Variants in SNX1 observed in about 807,000 individuals in gnomAD.
The protein encoded by SNX1 is sorting nexin-1.
A neutral mutation model predicts 71.8 loss-of-function variants in SNX1; 36 were observed. The observed-to-expected ratio is 0.50, with a 90% CI of 0.38 to 0.66. SNX1 has a LOEUF of 0.66. Ranked by LOEUF, SNX1 falls within the 30% of genes least tolerant of loss-of-function variation. SNX1 has a pLI of 0.00. For synonymous variants in SNX1, 254 were observed against 240.7 expected (o/e 1.06, Z -0.51); for missense variants, 612 against 646.7 (o/e 0.95, Z 0.58).
Position 64,134,584 on chromosome 15 carries a change from C to A in SNX1, c.1222-80C>A. 1 of 1,514,552 alleles carries A rather than the reference C, an allele frequency of 6.6e-7. No individual in the cohort carries two copies. The highest frequency in any genetic ancestry group is 8.9e-7 in the Non-Finnish European group (1 of 1,121,160). The allele number at this position is 1,514,552 out of a possible 1,614,324, so 93.8% of individuals were successfully genotyped here. A position where few individuals can be genotyped will look rare whatever the true frequency, so the allele number is the denominator to read the frequency against. On this transcript the variant is annotated intron_variant, in intron 11 of 14. Coordinates refer to ENST00000559844, the MANE Select transcript of SNX1 (RefSeq NM_003099.5). This position sits in a 1 kb window ranked among gnomAD's most constrained non-coding sequence, Gnocchi z 4.1. ...GCTCAGTCTGTCCCTGGTGCAGCTG[C>A]TGGGAGAGCCTGCCTCGAGGCAGAG... is the stretch of plus-strand genomic sequence containing the variant.
chr15:64,132,239 G>A (rs1175986474), intron 11 of SNX1: 2 of 296,506 alleles, frequency 6.7e-6, no homozygotes, highest in Non-Finnish European at 1.3e-5. Flanking sequence ...TGGTCCCCTG[G>A]AGCAGTGACT....
intron 2 of SNX1, chr15:64,115,523 C>G (rs376354423): frequency 2.0e-5 from 8 of 398,940 alleles, no homozygotes; most frequent in Admixed American, 3.3e-5. Context: ...GCATCTTTGT[C>G]ACATGAATTT....
intron 5 of SNX1, among the ~76,000 whole-genome samples, chr15:64,124,415 G>C (rs1056446097): frequency 6.7e-6 from 1 of 149,982 alleles, no homozygotes; most frequent in Non-Finnish European, 1.5e-5. Context: ...GCTGAGGCAG[G>C]AGAATGGCGT....
chr15:64,135,773 A>AT (rs955362433), intron 12 of SNX1, among the ~76,000 whole-genome samples: 4 of 150,850 alleles, frequency 2.7e-5, no homozygotes, highest in African/African-American at 9.7e-5. Context: ...AAAAAAAAAA[A>AT]AAATTAGACG....
rs1287106985 is a variant in SNX1, at chr15:64,118,814, A to G, written c.426A>G (p.Gln142=). 4 of 1,613,526 alleles carry G rather than the reference A, an allele frequency of 2.5e-6. No individual in the cohort carries two copies. Among genetic ancestry groups the G allele is most frequent in the Admixed American group, 1.7e-5 (1 of 59,986 alleles). The change falls in exon 4 of 15, where the codon CAA becomes CAG. Residue 142 remains glutamine, a synonymous_variant. Transcript: ENST00000559844. ...EELEEEEQED[Q]FDLTVGITDP... is the part of the protein sequence containing the mutation. ...TAGAGGAAGAAGAACAGGAGGATCA[A>G]TTTGATTTGACAGTCGGTATAACTG...
intron 10 of SNX1, among the ~76,000 whole-genome samples, chr15:64,131,198 G>C (rs1363500323): frequency 6.6e-6 from 1 of 152,126 alleles, no homozygotes; most frequent in African/African-American, 2.4e-5. Flanking sequence ...GCAGAGAATT[G>C]CTTGAACCCG....
chr15:64,131,746 G>A lies in SNX1; in HGVS notation c.1075G>A (p.Asp359Asn), dbSNP rs1258301861. ...TCTAGCCATGCTTGGGAGCTCTGAG[G>A]ACAACACGGCATTGTCACGGGCACT... ...KSLAMLGSSE[D>N]NTALSRALSQ... Residue 359 changes from aspartate to asparagine, a missense_variant, in exon 11 of 15, where the codon GAC (aspartate) becomes AAC (asparagine). This residue lies in a region of SNX1 where 296 missense variants were observed against 361.9 expected (regional missense o/e 0.82). Transcript: ENST00000559844. 1.2e-6 allele frequency: 2 copies of A among 1,614,168 alleles called. No homozygotes were observed. Among genetic ancestry groups the A allele is most frequent in the Admixed American group, 3.3e-5 (2 of 60,022 alleles).
intron 14 of SNX1, among the ~76,000 whole-genome samples, chr15:64,137,141 C>G (rs982475517): frequency 2.6e-5 from 4 of 152,210 alleles, no homozygotes; most frequent in Non-Finnish European, 5.9e-5. Context: ...CTGCTGCCCT[C>G]ATTCTGAGGT....
chr15:64,133,142 C>T (rs916006883), intron 11 of SNX1, among the ~76,000 whole-genome samples: 2 of 152,186 alleles, frequency 1.3e-5, no homozygotes, highest in Non-Finnish European at 2.9e-5. Context: ...CTCAGAGACC[C>T]TTCATCTGCC....
At chr15:64,128,600 A>T (rs1370704574) in intron 8 of SNX1, among the ~76,000 whole-genome samples, 1 of 152,236 alleles carries the variant, frequency 6.6e-6, no homozygotes, top group African/African-American at 2.4e-5. Flanking sequence ...GATACTAAAT[A>T]AATGAGGGGG....
At chr15:64,098,419 G>T (rs576593145) in intron 1 of SNX1, among the ~76,000 whole-genome samples, 2 of 152,160 alleles carry the variant, frequency 1.3e-5, no homozygotes. Flanking sequence ...AGCAGTGGCC[G>T]AGTGCCATGC....
intron 1 of SNX1, among the ~76,000 whole-genome samples, chr15:64,102,611 G>A (rs1227080970): frequency 6.6e-6 from 1 of 152,046 alleles, no homozygotes; most frequent in Non-Finnish European, 1.5e-5. Flanking sequence ...TCCCACAGAT[G>A]AGTGAGAACA....
intron 8 of SNX1, 47 bp downstream of exon 8, chr15:64,127,853 A>C: frequency 6.9e-7 from 1 of 1,456,102 alleles, no homozygotes; most frequent in Non-Finnish European, 9.6e-7. Context: ...ATCTGCCCCT[A>C]GTGAAACGAA....
At chr15:64,128,983 T>G (rs927605585) in intron 8 of SNX1, among the ~76,000 whole-genome samples, 19 of 152,148 alleles carry the variant, frequency 1.2e-4, no homozygotes, top group African/African-American at 4.6e-4. Context: ...GCGGTGGCTC[T>G]TGGCTGTAAT....
At position 64,098,755 on chromosome 15, in the gene SNX1, T is replaced by G. The variant is rs185787347; in HGVS notation, c.159+2583T>G. ...GTAGGAGGCTTCAGTTTGATTCATC[T>G]TACCATACTTTATGGAGTTATCAAT... On this transcript the variant is annotated intron_variant, in intron 1 of 14. Transcript: ENST00000559844. Among the ~76,000 whole-genome samples the G allele has an allele frequency of 5.9e-5, 9 of 152,208 alleles. No individual in the cohort carries two copies. In the East Asian group the frequency reaches 1.7e-3, roughly 29 times the overall value.
intron 1 of SNX1, among the ~76,000 whole-genome samples, chr15:64,106,553 TTA>T (rs1161802566): frequency 6.6e-6 from 1 of 152,126 alleles, no homozygotes; most frequent in Non-Finnish European, 1.5e-5. Flanking sequence ...GTATGTTAGG[TTA>T]TGTGGCAAGG....
chr15:64,137,010 A>T, intron 14 of SNX1, 78 bp downstream of exon 14: 1 of 1,140,502 alleles, frequency 8.8e-7, no homozygotes, highest in East Asian at 2.4e-5. Flanking sequence ...TTCTGCAACA[A>T]GATGTGCAGG....
At chr15:64,108,813 C>T (rs565087378) in intron 1 of SNX1, among the ~76,000 whole-genome samples, 19 of 151,650 alleles carry the variant, frequency 1.3e-4, no homozygotes, top group African/African-American at 3.9e-4. Flanking sequence ...CATGATGAAA[C>T]GCCGTCTCCA....
rs761251263 is a variant in SNX1, at chr15:64,096,047, G to C, written c.34G>C (p.Glu12Gln). 6.3e-6 allele frequency: 10 copies of C among 1,593,300 alleles called. No individual in the cohort carries two copies. The East Asian group carries it at 2.3e-4, about 36-fold the overall frequency. Residue 12 changes from glutamate to glutamine, a missense_variant, in exon 1 of 15, where the codon GAG (glutamate) becomes CAG (glutamine). This residue lies in a region of SNX1 where 316 missense variants were observed against 284.9 expected (regional missense o/e 1.11). Transcript: ENST00000559844. ...ASGGGGCSAS[E>Q]RLPPPFPGLE... Reference sequence around the variant, plus strand: ...GGGTGGTGGTGGCTGTAGCGCTTCGGAGAGACTGCCTCCGCCCTTCCCCGG... The same window carrying C: ...GGGTGGTGGTGGCTGTAGCGCTTCGCAGAGACTGCCTCCGCCCTTCCCCGG...
Sources: allele counts gnomAD v4.1 joint callset (sites outside exome capture counted in the v4.1 genomes callset), GRCh38; gene constraint gnomAD v4.1.1; regional missense constraint gnomAD v4.1.1; non-coding constraint Gnocchi (gnomAD v3.1); transcripts MANE v1.5; gene names NCBI Gene and HGNC (gene_info 2026-07-23, HGNC 2026-07-21).